Variants in ARHGAP18 observed in about 807,000 individuals in gnomAD.
ARHGAP18 encodes the protein rho GTPase-activating protein 18.
In ARHGAP18, 67 loss-of-function variants were observed where a neutral mutation model predicts 86.2. The observed-to-expected ratio is 0.78, with a 90% confidence interval of 0.64 to 0.95. ARHGAP18 has a LOEUF of 0.95. Ranked by LOEUF, ARHGAP18 falls within the 40% of genes least tolerant of loss-of-function variation. The probability of loss-of-function intolerance (pLI) is 0.00; values close to 1 mark genes in which losing one functional copy is unlikely to be tolerated. For missense variants in ARHGAP18, 691 were observed against 780.4 expected (o/e 0.89, Z 1.37); for synonymous variants, 283 against 280.4 (o/e 1.01, Z -0.09).
chr6:129,704,962 G>A (rs1774779410), intron 1 of ARHGAP18, among the ~76,000 whole-genome samples: 1 of 152,252 alleles, frequency 6.6e-6, no homozygotes, highest in Admixed American at 6.5e-5. Flanking sequence ...CTTGGTTTCA[G>A]ACTTACTCTA....
intron 1 of ARHGAP18, among the ~76,000 whole-genome samples, chr6:129,658,611 C>T (rs1414596399): frequency 6.6e-6 from 1 of 152,192 alleles, no homozygotes; most frequent in Non-Finnish European, 1.5e-5. Context: ...CTTTCCATTT[C>T]TAATCCCCTA....
Position 129,629,506 on chromosome 6 carries a change from A to G in ARHGAP18, c.633T>C (p.Leu211=). The G allele has an allele frequency of 6.2e-7, 1 of 1,612,992 alleles. No homozygotes were observed. The highest frequency in any genetic ancestry group is 2.2e-5 in the East Asian group (1 of 44,860). ...YQGRDDEASN[L]VGEEKLIPPE... is the part of the protein sequence containing the mutation. The stretch of plus-strand genomic sequence containing the variant: ...GTGGGATCAGCTTCTCTTCACCAAC[A>G]AGGTTAGATGCCTCGTCTAGGGGCC... The change falls in exon 5 of 15, where the codon CTT becomes CTC. Residue 211 remains leucine (L), a synonymous_variant. Transcript: ENST00000368149.
chr6:129,590,278 A>G (rs1370706830), intron 12 of ARHGAP18, among the ~76,000 whole-genome samples: 1 of 152,192 alleles, frequency 6.6e-6, no homozygotes, highest in East Asian at 1.9e-4. Flanking sequence ...GAGTATGACC[A>G]TGCCATGCTT....
chr6:129,631,373 A>T (rs1409427065), intron 4 of ARHGAP18, among the ~76,000 whole-genome samples: 1 of 150,580 alleles, frequency 6.6e-6, no homozygotes, highest in Non-Finnish European at 1.5e-5. Flanking sequence ...TAACACACAC[A>T]TTTCCTTCAA....
At chr6:129,586,376 CTAT>C (rs1224065008) in intron 12 of ARHGAP18, among the ~76,000 whole-genome samples, 1 of 152,086 alleles carries the variant, frequency 6.6e-6, no homozygotes, top group Admixed American at 6.6e-5. Context: ...TAGTTTATCA[CTAT>C]TATTATGACT....
intron 4 of ARHGAP18, among the ~76,000 whole-genome samples, chr6:129,631,426 A>C (rs1348977253): frequency 1.3e-5 from 2 of 152,166 alleles, no homozygotes; most frequent in East Asian, 1.9e-4. Context: ...AGTTCTAGTT[A>C]AAATAGAAAA....
intron 1 of ARHGAP18, among the ~76,000 whole-genome samples, chr6:129,708,892 A>G (rs2114563082): frequency 6.6e-6 from 1 of 152,372 alleles, no homozygotes; most frequent in African/African-American, 2.4e-5. Context: ...AGGCACAAGC[A>G]CCAAATCTTT....
intron 1 of ARHGAP18, among the ~76,000 whole-genome samples, chr6:129,685,920 G>T (rs996029718): frequency 6.6e-6 from 1 of 152,144 alleles, no homozygotes; most frequent in Non-Finnish European, 1.5e-5. Flanking sequence ...CTGCCTGTAT[G>T]TTGGCAACAA....
intron 5 of ARHGAP18, 47 bp downstream of exon 5, chr6:129,629,306 T>C (rs777939506): frequency 4.0e-5 from 60 of 1,508,650 alleles, no homozygotes; most frequent in Non-Finnish European, 5.1e-5. Flanking sequence ...TGTGTATATA[T>C]ATGTATATGT....
chr6:129,623,219 C>T (rs913711040), intron 5 of ARHGAP18, among the ~76,000 whole-genome samples: 1 of 152,002 alleles, frequency 6.6e-6, no homozygotes, highest in Non-Finnish European at 1.5e-5. Flanking sequence ...CTAGCTTTGA[C>T]TTGGAAAGCA....
chr6:129,652,735 C>G (rs9385510), intron 1 of ARHGAP18, among the ~76,000 whole-genome samples: 44,586 of 152,048 alleles, frequency 0.29, 6,523 homozygotes, highest in African/African-American at 0.32. Context: ...GCTGCTGACT[C>G]ACTACAGATT....
chr6:129,600,592 G>A lies in ARHGAP18; in HGVS notation c.1572+50C>T, dbSNP rs559656944. 14 of 1,418,250 alleles carry A rather than the reference G, an allele frequency of 9.9e-6. No individual in the cohort carries two copies. The Admixed American group carries it at 1.4e-4, about 14-fold the overall frequency. 87.9% of individuals were successfully genotyped at this position (1,418,250 alleles called of 1,614,324 possible). ...AATTAATAAAGCTAATAACAAACAT[G>A]CAATTTGTTTTTTAAACTACTAAGA... On this transcript the variant is annotated intron_variant, in intron 11 of 14. Transcript: ENST00000368149.
intron 1 of ARHGAP18, among the ~76,000 whole-genome samples, chr6:129,692,184 G>A (rs1241446178): frequency 6.6e-6 from 1 of 152,232 alleles, no homozygotes; most frequent in Non-Finnish European, 1.5e-5. Context: ...AGGCTGGGCA[G>A]CCTGGGCATT....
At chr6:129,668,385 C>CACACAG (rs1774081904) in intron 1 of ARHGAP18, among the ~76,000 whole-genome samples, 1 of 151,010 alleles carries the variant, frequency 6.6e-6, no homozygotes, top group Admixed American at 6.7e-5. Flanking sequence ...CACACACACA[C>CACACAG]ACACACACAC....
At position 129,582,121 on chromosome 6, in the gene ARHGAP18, T is replaced by C. The variant is rs573255903; in HGVS notation, c.1838+1867A>G. ...AATGGAGAAGTTTACCAGACTTCCA[T>C]CTAGGTGGAGAAGGAATAGGAGGAA... is the stretch of plus-strand genomic sequence containing the variant. On this transcript the variant is annotated intron_variant, in intron 13 of 14. Coordinates refer to ENST00000368149, the MANE Select transcript of ARHGAP18 (RefSeq NM_033515.3). Among the ~76,000 whole-genome samples, 4 of 148,426 alleles carry C rather than the reference T, an allele frequency of 2.7e-5. No individual in the cohort carries two copies. The South Asian group carries it at 8.7e-4, about 32-fold the overall frequency.
At chr6:129,637,764 T>A (rs1218739653) in intron 3 of ARHGAP18, among the ~76,000 whole-genome samples, 1 of 152,226 alleles carries the variant, frequency 6.6e-6, no homozygotes, top group African/African-American at 2.4e-5. Context: ...TGTCCATAAA[T>A]CTTCTTTGAC....
At chr6:129,620,583 T>C (rs1168298367) in intron 5 of ARHGAP18, among the ~76,000 whole-genome samples, 3 of 152,274 alleles carry the variant, frequency 2.0e-5, no homozygotes, top group South Asian at 4.1e-4. Context: ...GTTTACCTAT[T>C]ACTAAAACTG....
At chr6:129,635,900 C>T (rs566369153) in intron 3 of ARHGAP18, among the ~76,000 whole-genome samples, 140 of 152,312 alleles carry the variant, frequency 9.2e-4, no homozygotes, top group African/African-American at 3.1e-3. Flanking sequence ...TGGACTCAAA[C>T]CATGTGGTTG....
intron 8 of ARHGAP18, among the ~76,000 whole-genome samples, chr6:129,608,510 T>C (rs1183602213): frequency 6.6e-6 from 1 of 152,162 alleles, no homozygotes; most frequent in Non-Finnish European, 1.5e-5. Flanking sequence ...GAAGGCTACC[T>C]CTGATTAGTC....
Sources: gnomAD v4.1 joint callset for allele counts (sites outside exome capture counted in the v4.1 genomes callset) on GRCh38, gnomAD v4.1.1 for gene constraint, MANE v1.5 for transcripts, NCBI Gene and HGNC (gene_info 2026-07-23, HGNC 2026-07-21) for gene names.